The following RASGEF1A variants were observed in gnomAD, a reference collection of about 807,000 sequenced individuals.
RASGEF1A encodes RasGEF domain family member 1A.
A neutral mutation model predicts 56.4 loss-of-function variants in RASGEF1A; 18 were observed. That is an observed-to-expected ratio of 0.32 (90% CI 0.22 to 0.47). The LOEUF (loss-of-function observed/expected upper bound fraction) is 0.47. RASGEF1A is among the 20% of genes least tolerant of loss of function. The pLI is 1.00. For synonymous variants in RASGEF1A, 245 were observed against 242.6 expected (o/e 1.01, Z -0.09); for missense variants, 422 against 627.1 (o/e 0.67, Z 3.49).
At chr10:43,235,286 C>T (rs994611466) in intron 1 of RASGEF1A, among the ~76,000 whole-genome samples, 1 of 152,228 alleles carries the variant, frequency 6.6e-6, no homozygotes, top group Non-Finnish European at 1.5e-5. Flanking sequence ...GCACACCTCT[C>T]CCCAGTCGTC....
intron 1 of RASGEF1A, chr10:43,207,990 T>C: frequency 1.1e-6 from 1 of 948,410 alleles, no homozygotes; most frequent in Non-Finnish European, 1.3e-6. Context: ...AGTGGCTGTA[T>C]CATTCACCTG....
chr10:43,196,537 C>T lies in RASGEF1A; in HGVS notation c.1360G>A (p.Ala454Thr), dbSNP rs776561636. 5.0e-6 allele frequency: 8 copies of T among 1,613,494 alleles called. No homozygotes were observed. Among genetic ancestry groups the T allele is most frequent in the African/African-American group, 4.0e-5 (3 of 74,906 alleles). ...PIYSEEALFV[A>T]SFESEGPENH... ...TCGGGACCCTCACTTTCAAAGGAGGCGACGAAGAGAGCTGAGAGATGGGAA... is the reference window on the plus strand; with the variant it reads ...TCGGGACCCTCACTTTCAAAGGAGGTGACGAAGAGAGCTGAGAGATGGGAA... Residue 454 changes from alanine to threonine, a missense_variant, in exon 12 of 13, where the codon GCC becomes ACC. This residue lies in a region of RASGEF1A where 149 missense variants were observed against 287.2 expected (regional missense o/e 0.52). Transcript: ENST00000395810. This position sits in a 1 kb window ranked among gnomAD's most constrained non-coding sequence, Gnocchi z 4.6.
Position 43,233,087 on chromosome 10 carries a change from C to T in RASGEF1A, c.-6-26965G>A, listed in dbSNP as rs536417571. On this transcript the variant is annotated intron_variant, in intron 1 of 12. Transcript: ENST00000395810. ...ACAGGCCACCTTCTCACTAACACAGCTGCAATGCCATCCTCTGCCCCAGCA... is the reference window on the plus strand; with the variant it reads ...ACAGGCCACCTTCTCACTAACACAGTTGCAATGCCATCCTCTGCCCCAGCA... Among the ~76,000 whole-genome samples, 3 of 152,192 alleles carry T rather than the reference C, an allele frequency of 2.0e-5. No individual in the cohort carries two copies. The South Asian group carries it at 6.2e-4, about 32-fold the overall frequency.
At chr10:43,227,288 G>T (rs906619985) in intron 1 of RASGEF1A, among the ~76,000 whole-genome samples, 2 of 152,062 alleles carry the variant, frequency 1.3e-5, no homozygotes, top group African/African-American at 4.8e-5. Context: ...CTTCCTGACT[G>T]CCTGCCCCCC....
At chr10:43,256,642 CCA>C (rs1440996918) in intron 1 of RASGEF1A, among the ~76,000 whole-genome samples, 3 of 152,192 alleles carry the variant, frequency 2.0e-5, no homozygotes, top group Non-Finnish European at 4.4e-5. Flanking sequence ...GCCGCTTCCC[CCA>C]CACAGTCTCC....
intron 1 of RASGEF1A, among the ~76,000 whole-genome samples, chr10:43,256,116 G>T (rs1350514782): frequency 2.0e-5 from 3 of 152,208 alleles, no homozygotes; most frequent in South Asian, 2.1e-4. Flanking sequence ...GGGACCCAGA[G>T]TGAACTGACT....
intron 1 of RASGEF1A, among the ~76,000 whole-genome samples, chr10:43,230,235 G>C (rs1255454003): frequency 6.6e-6 from 1 of 152,244 alleles, no homozygotes; most frequent in African/African-American, 2.4e-5. Context: ...ACTCCACACA[G>C]CTCTGGCCTG....
intron 1 of RASGEF1A, among the ~76,000 whole-genome samples, chr10:43,253,346 T>A (rs1238711483): frequency 2.0e-5 from 3 of 152,228 alleles, no homozygotes; most frequent in Non-Finnish European, 4.4e-5. Context: ...GATTAGGCTC[T>A]CAAGAGTGGG....
At chr10:43,224,295 T>A (rs1840245581) in intron 1 of RASGEF1A, among the ~76,000 whole-genome samples, 1 of 152,184 alleles carries the variant, frequency 6.6e-6, no homozygotes, top group Non-Finnish European at 1.5e-5. Flanking sequence ...GTGACAAATA[T>A]GTCTCCTAGT....
rs1840030821 is a variant in RASGEF1A, at chr10:43,208,900, C to G, written c.-6-2778G>C. On this transcript the variant is annotated intron_variant, in intron 1 of 12. Coordinates refer to ENST00000395810, the MANE Select transcript of RASGEF1A (RefSeq NM_145313.4). ...TGCCGGCCCTGCAGCAGGCCCACTC[C>G]TTGTTCCTGGGTGCATCTGGCCAGC... The G allele has an allele frequency of 3.0e-6, 3 of 985,548 alleles. No individual in the cohort carries two copies. In the African/African-American group the frequency reaches 5.2e-5, roughly 17 times the overall value. The allele number at this position is 985,548 out of a possible 1,614,324, so 61.1% of individuals were successfully genotyped here.
At chr10:43,255,416 C>T (rs923094568) in intron 1 of RASGEF1A, among the ~76,000 whole-genome samples, 1 of 152,194 alleles carries the variant, frequency 6.6e-6, no homozygotes, top group Non-Finnish European at 1.5e-5. Context: ...TGACCCAGCC[C>T]CAGGGCTGCA....
intron 1 of RASGEF1A, among the ~76,000 whole-genome samples, chr10:43,230,832 T>G (rs943849057): frequency 1.3e-5 from 2 of 151,868 alleles, no homozygotes; most frequent in Non-Finnish European, 2.9e-5. Context: ...GCAGCAAGAG[T>G]ACCTACTAGG....
intron 1 of RASGEF1A, among the ~76,000 whole-genome samples, chr10:43,233,291 T>A (rs936478330): frequency 1.3e-5 from 2 of 152,150 alleles, no homozygotes; most frequent in African/African-American, 4.8e-5. Flanking sequence ...ACTCAGAACC[T>A]ATGTGTGTGC....
At chr10:43,256,964 C>A (rs568738700) in intron 1 of RASGEF1A, among the ~76,000 whole-genome samples, 11 of 152,322 alleles carry the variant, frequency 7.2e-5, no homozygotes, top group Non-Finnish European at 1.3e-4. Context: ...ACCTCTCCCT[C>A]CTTCCAGAAT....
At chr10:43,225,585 G>A (rs1840269255) in intron 1 of RASGEF1A, among the ~76,000 whole-genome samples, 1 of 151,820 alleles carries the variant, frequency 6.6e-6, no homozygotes, top group African/African-American at 2.4e-5. Flanking sequence ...GGGTGTGTGT[G>A]TGTGTGTGTG....
chr10:43,241,400 G>A (rs1231725719), intron 1 of RASGEF1A, among the ~76,000 whole-genome samples: 1 of 152,126 alleles, frequency 6.6e-6, no homozygotes, highest in East Asian at 1.9e-4. Context: ...AAGGAGAGGA[G>A]AGGCAACAGA....
chr10:43,248,449 G>A (rs1840591480), intron 1 of RASGEF1A, among the ~76,000 whole-genome samples: 1 of 151,216 alleles, frequency 6.6e-6, no homozygotes, highest in Non-Finnish European at 1.5e-5. Context: ...ACTAAATCAT[G>A]CACTTTAAAA....
chr10:43,217,239 T>C (rs913359795), intron 1 of RASGEF1A, among the ~76,000 whole-genome samples: 1 of 152,158 alleles, frequency 6.6e-6, no homozygotes, highest in African/African-American at 2.4e-5. Flanking sequence ...CTGGGGGACC[T>C]GTATGGAGCT....
At chr10:43,201,658 G>A (rs1282664613) in intron 4 of RASGEF1A, 150 bp downstream of exon 4, 1 of 764,982 alleles carries the variant, frequency 1.3e-6, no homozygotes, top group Non-Finnish European at 1.9e-6. Flanking sequence ...TCTGGGGGAA[G>A]GGAGGTTGAA....
Sources: allele counts gnomAD v4.1 joint callset (sites outside exome capture counted in the v4.1 genomes callset), GRCh38; gene constraint gnomAD v4.1.1; regional missense constraint gnomAD v4.1.1; non-coding constraint Gnocchi (gnomAD v3.1); transcripts MANE v1.5; gene names NCBI Gene and HGNC (gene_info 2026-07-23, HGNC 2026-07-21).